Variants in DYNC2I1 observed in about 807,000 individuals in gnomAD.
DYNC2I1 encodes the protein cytoplasmic dynein 2 intermediate chain 1.
A neutral mutation model predicts 133.4 loss-of-function variants in DYNC2I1; 89 were observed. The observed-to-expected ratio is 0.67, with a 90% CI of 0.56 to 0.80. The LOEUF is 0.80. Ranked by LOEUF, DYNC2I1 falls within the 30% of genes least tolerant of loss-of-function variation. The probability of loss-of-function intolerance (pLI) is 0.00; values close to 1 mark genes in which losing one functional copy is unlikely to be tolerated. For missense variants in DYNC2I1, 1,291 were observed against 1,314.5 expected (o/e 0.98, Z 0.28); for synonymous variants, 504 against 484.3 (o/e 1.04, Z -0.54).
At chr7:158,948,239 G>A (rs960348291), downstream of DYNC2I1, among the ~76,000 whole-genome samples, 5 of 152,212 alleles carry the variant, frequency 3.3e-5, no homozygotes, top group African/African-American at 9.6e-5. Flanking sequence ...CCTTCCCACC[G>A]TGGGCTTCCC....
intron 15 of DYNC2I1, among the ~76,000 whole-genome samples, chr7:158,921,696 TTGTGGTGTGTGTGTG>T (rs1327928013): frequency 5.3e-5 from 8 of 151,938 alleles, no homozygotes; most frequent in Non-Finnish European, 1.2e-4. Flanking sequence ...TGATAGGTGT[TTGTGGTGTGTGTGTG>T]GCTGGGGTTG....
intron 3 of DYNC2I1, among the ~76,000 whole-genome samples, chr7:158,873,499 G>A (rs1406319254): frequency 6.6e-6 from 1 of 152,160 alleles, no homozygotes; most frequent in Admixed American, 6.5e-5. Context: ...GTTATCATGT[G>A]TATTTTTTGG....
intron 2 of DYNC2I1, 141 bp downstream of exon 2, chr7:158,870,049 G>C: frequency 1.5e-6 from 1 of 687,322 alleles, no homozygotes; most frequent in Non-Finnish European, 2.4e-6. Context: ...AGAGGTGAAG[G>C]TGTACGGCTA....
chr7:158,893,820 G>A lies in DYNC2I1; in HGVS notation c.1059+2487G>A, dbSNP rs13310247. On this transcript the variant is annotated intron_variant, in intron 8 of 24. Coordinates refer to ENST00000407559, the MANE Select transcript of DYNC2I1 (RefSeq NM_018051.5). The stretch of plus-strand genomic sequence containing the variant: ...TGCATGTCACACCGCATATCATACC[G>A]TATATCATACCGTATGTCATAGTGC... Among the ~76,000 whole-genome samples, 5 of 148,304 alleles carry A rather than the reference G, an allele frequency of 3.4e-5. No homozygotes were observed. The East Asian group carries it at 8.0e-4, about 24-fold the overall frequency.
At chr7:158,921,345 G>A (rs943617337) in intron 15 of DYNC2I1, among the ~76,000 whole-genome samples, 1 of 152,114 alleles carries the variant, frequency 6.6e-6, no homozygotes, top group Admixed American at 6.5e-5. Flanking sequence ...AGGTGAGGTC[G>A]GGGCAGCGAT....
At chr7:158,892,066 T>A (rs1165223791) in intron 8 of DYNC2I1, among the ~76,000 whole-genome samples, 1 of 152,126 alleles carries the variant, frequency 6.6e-6, no homozygotes, top group African/African-American at 2.4e-5. Flanking sequence ...CCAGTGTGGT[T>A]CTAGCTCTGC....
At chr7:158,886,923 A>C (rs2129480754) in intron 6 of DYNC2I1, 98 bp from the exon 7 acceptor site, 2 of 1,153,484 alleles carry the variant, frequency 1.7e-6, no homozygotes, top group South Asian at 2.7e-5. Flanking sequence ...AATCATATCA[A>C]AATATTGTTA....
intron 12 of DYNC2I1, among the ~76,000 whole-genome samples, chr7:158,912,348 C>T (rs1013189211): frequency 1.3e-5 from 2 of 152,186 alleles, no homozygotes; most frequent in Non-Finnish European, 2.9e-5. Context: ...GTTACTGGTA[C>T]CACCAATCTT....
chr7:158,865,865 A>C lies in DYNC2I1; in HGVS notation c.16-3990A>C, dbSNP rs375493683. Among the ~76,000 whole-genome samples the C allele has an allele frequency of 6.0e-4, 92 of 152,296 alleles. 1 individual carries two copies. In the East Asian group the frequency reaches 0.016, roughly 26 times the overall value. On this transcript the variant is annotated intron_variant, in intron 1 of 24. Coordinates refer to ENST00000407559, the MANE Select transcript of DYNC2I1 (RefSeq NM_018051.5). ...ACAGCACCGGGGCAGGGAAGTCGTA[A>C]ATCACTGTTGAACAGTTTGAAACTC... is the stretch of plus-strand genomic sequence containing the variant.
intron 14 of DYNC2I1, 50 bp downstream of exon 14, chr7:158,914,371 T>A (rs1325490724): frequency 2.1e-6 from 3 of 1,444,336 alleles, no homozygotes; most frequent in Admixed American, 2.1e-5. Flanking sequence ...GCTTAAAGTT[T>A]CATTCTACAT....
intron 23 of DYNC2I1, among the ~76,000 whole-genome samples, chr7:158,940,556 A>C (rs1364212995): frequency 6.6e-6 from 1 of 152,230 alleles, no homozygotes; most frequent in Non-Finnish European, 1.5e-5. Flanking sequence ...CTAGCACATG[A>C]GACATCATCC....
intron 14 of DYNC2I1, among the ~76,000 whole-genome samples, chr7:158,915,458 C>T (rs1296326105): frequency 6.6e-4 from 97 of 147,476 alleles, no homozygotes; most frequent in African/African-American, 2.1e-3. Context: ...GATTGTGAAA[C>T]GTCGACACGC....
intron 24 of DYNC2I1, among the ~76,000 whole-genome samples, chr7:158,944,694 G>T (rs903702235): frequency 1.3e-5 from 2 of 152,192 alleles, no homozygotes; most frequent in African/African-American, 4.8e-5. Context: ...CACCCCTGTA[G>T]TGACAAGGGC....
At chr7:158,865,450 C>T (rs1009051952) in intron 1 of DYNC2I1, among the ~76,000 whole-genome samples, 1 of 152,192 alleles carries the variant, frequency 6.6e-6, no homozygotes, top group Admixed American at 6.5e-5. Context: ...GAGCATAAAT[C>T]GAGGGACAGA....
intron 9 of DYNC2I1, 120 bp from the exon 10 acceptor site, chr7:158,902,247 ATATCTTTCT>A: frequency 1.3e-6 from 1 of 753,704 alleles, no homozygotes; most frequent in Non-Finnish European, 2.1e-6. Flanking sequence ...GGAACTATAA[ATATCTTTCT>A]TAGCTGTAAT....
chr7:158,942,190 G>T (rs1413827365), intron 24 of DYNC2I1, 42 bp downstream of exon 24: 2 of 1,472,412 alleles, frequency 1.4e-6, no homozygotes, highest in East Asian at 2.4e-5. Context: ...TTGTGGGGGG[G>T]CTTCGGCCAC....
At chr7:158,944,039 G>A (rs988243356) in intron 24 of DYNC2I1, among the ~76,000 whole-genome samples, 1 of 151,640 alleles carries the variant, frequency 6.6e-6, no homozygotes, top group East Asian at 1.9e-4. Flanking sequence ...TCTCTGGTTA[G>A]ACAGAGAAAC....
intron 1 of DYNC2I1, among the ~76,000 whole-genome samples, chr7:158,865,466 T>TG (rs1239568104): frequency 6.6e-6 from 1 of 152,342 alleles, no homozygotes; most frequent in African/African-American, 2.4e-5. Context: ...ACAGAGGCCC[T>TG]GGGGAGCTGG....
At position 158,871,469 on chromosome 7, in the gene DYNC2I1, G is replaced by A. The variant is rs1423975007; in HGVS notation, c.397G>A (p.Glu133Lys). The A allele has an allele frequency of 2.6e-6, 4 of 1,549,256 alleles. No homozygotes were observed. Among genetic ancestry groups the A allele is most frequent in the East Asian group, 4.9e-5 (2 of 40,944 alleles). The change falls in exon 3 of 25, where the codon GAG (glutamate) becomes AAG (lysine). Residue 133 changes from glutamate (E) to lysine (K), a missense_variant. Physicochemically the swap from Glu to Lys is moderately conservative, Grantham distance 56. Transcript: ENST00000407559. ...AAAAGACAGAAGGGCCCGGAAGGAA[G>A]AGCTCCGGCAGACCGTGGCCCACCA... ...KEKDRRARKEELRQTVAHHNL... is the reference protein window; with the variant it reads ...KEKDRRARKEKLRQTVAHHNL...
Sources: gnomAD v4.1 joint callset for allele counts (sites outside exome capture counted in the v4.1 genomes callset) on GRCh38, gnomAD v4.1.1 for gene constraint, MANE v1.5 for transcripts, NCBI Gene and HGNC (gene_info 2026-07-23, HGNC 2026-07-21) for gene names.